The following ZDHHC6 variants were observed in gnomAD, a reference collection of about 807,000 sequenced individuals.
The protein encoded by ZDHHC6 is palmitoyltransferase ZDHHC6.
A neutral mutation model predicts 57.8 loss-of-function variants in ZDHHC6; 32 were observed. That is an observed-to-expected ratio of 0.55 (90% CI 0.42 to 0.74). ZDHHC6 has a LOEUF of 0.74. Among genes scored for constraint, ZDHHC6 ranks in the 30% least tolerant of loss-of-function variants. The pLI is 0.00. For missense variants in ZDHHC6, 433 were observed against 500.7 expected (o/e 0.86, Z 1.29); for synonymous variants, 128 against 158.0 (o/e 0.81, Z 1.42).
At chr10:112,447,428 A>G, upstream of ZDHHC6, 1 of 1,613,642 alleles carries the variant, frequency 6.2e-7, no homozygotes. Context: ...CACTGCAGAG[A>G]TCACCAGCAA....
At chr10:112,427,203 G>T (rs1844763339), downstream of ZDHHC6, 1 of 1,606,792 alleles carries the variant, frequency 6.2e-7, no homozygotes. Context: ...GGATGTGTGT[G>T]TGTTCATCTT....
At chr10:112,427,687 G>T, downstream of ZDHHC6, 1 of 174,644 alleles carries the variant, frequency 5.7e-6, no homozygotes, top group East Asian at 1.5e-4. Flanking sequence ...ACAAGTTCAA[G>T]GGTCAAAGGG....
chr10:112,434,404 C>T lies in ZDHHC6; in HGVS notation c.796G>A (p.Gly266Arg). ...TGTTTAAAGTTCCTCCATCTACTTC[C>T]CATATCATATGGAAAAACAAAGACT... Reference protein sequence around the residue: ...DEVFVFPYDMGSRWRNFKQVF... With the variant: ...DEVFVFPYDMRSRWRNFKQVF... Residue 266 changes from glycine (G) to arginine (R), a missense_variant, in exon 7 of 11, where the codon GGA becomes AGA. By Grantham distance (125) the Gly-to-Arg change is moderately radical. Coordinates refer to ENST00000369405, the MANE Select transcript of ZDHHC6 (RefSeq NM_022494.3). The T allele has an allele frequency of 1.2e-6, 2 of 1,613,916 alleles. No homozygotes were observed. Among genetic ancestry groups the T allele is most frequent in the Non-Finnish European group, 1.7e-6 (2 of 1,179,874 alleles).
chr10:112,447,419 A>G (rs1308412267), upstream of ZDHHC6: 2 of 1,613,680 alleles, frequency 1.2e-6, no homozygotes, highest in Non-Finnish European at 1.7e-6. Context: ...CGCGGTGCTC[A>G]CTGCAGAGAT....
intron 4 of ZDHHC6, 75 bp downstream of exon 4, chr10:112,442,117 C>A: frequency 7.1e-7 from 1 of 1,401,004 alleles, no homozygotes; most frequent in Non-Finnish European, 9.4e-7. Flanking sequence ...CCAAAAGGAA[C>A]CTCTTAAATG....
chr10:112,425,536 G>T (rs987963831), downstream of ZDHHC6: 1 of 1,382,962 alleles, frequency 7.2e-7, no homozygotes, highest in Non-Finnish European at 9.6e-7. Context: ...GCTGGTTCTT[G>T]TAGCTACAGG....
Position 112,445,303 on chromosome 10 carries a change from C to G in ZDHHC6, c.134G>C (p.Trp45Ser), listed in dbSNP as rs1846551170. The G allele has an allele frequency of 1.9e-6, 3 of 1,614,024 alleles. No individual in the cohort carries two copies. The highest frequency in any genetic ancestry group is 2.5e-6 in the Non-Finnish European group (3 of 1,180,042). ...STMAMIDSVL[W>S]YWPLHTTGGS... is the part of the protein sequence containing the mutation. ...TCCAGTTGTATGTAAGGGCCAATAC[C>G]ACAACACAGAGTCAATCATGGCCAT... The change falls in exon 2 of 11, where the codon TGG becomes TCG. Residue 45 changes from tryptophan to serine, a missense_variant. Transcript: ENST00000369405.
At position 112,444,646 on chromosome 10, in the gene ZDHHC6, G is replaced by A. The variant is rs181707384; in HGVS notation, c.267+524C>T. Among the ~76,000 whole-genome samples, 256 of 152,286 alleles carry A rather than the reference G, an allele frequency of 1.7e-3. 4 individuals carry two copies. Among genetic ancestry groups the A allele is most frequent in the Admixed American group, 0.016 (242 of 15,296 alleles). On this transcript the variant is annotated intron_variant, in intron 2 of 10. Coordinates refer to ENST00000369405, the MANE Select transcript of ZDHHC6 (RefSeq NM_022494.3). ...CCTTTCTGACAAGCCATCAGGTGTG[G>A]TCCCTTAGCAGGAAACATGGACATT...
intron 8 of ZDHHC6, among the ~76,000 whole-genome samples, chr10:112,432,867 T>A (rs1845172630): frequency 6.6e-6 from 1 of 152,204 alleles, no homozygotes; most frequent in Admixed American, 6.5e-5. Context: ...TACAATGTAG[T>A]GAATGCAAAC....
At chr10:112,429,254 TCCTATTCTC>T (rs995103994), downstream of ZDHHC6, among the ~76,000 whole-genome samples, 11 of 152,184 alleles carry the variant, frequency 7.2e-5, no homozygotes, top group African/African-American at 2.4e-4. Flanking sequence ...TCACTTCCTT[TCCTATTCTC>T]CCCTCACGCA....
intron 3 of ZDHHC6, 40 bp downstream of exon 3, chr10:112,443,475 A>G (rs1411433407): frequency 6.5e-7 from 1 of 1,536,154 alleles, no homozygotes; most frequent in Non-Finnish European, 9.0e-7. Flanking sequence ...ATCAGTAATT[A>G]GTTGATCAGT....
Position 112,446,861 on chromosome 10 carries a change from G to GGGTGGTGCCGGCTGTTCCCAGGAGGGATA in ZDHHC6, c.-372_-371insTATCCCTCCTGGGAACAGCCGGCACCACC. The stretch of plus-strand genomic sequence containing the variant: ...AACCCTGGCAGCGAGAGGCTGGAGT[G>GGGTGGTGCCGGCTGTTCCCAGGAGGGATA]CGGGACCTGCTACAAGCCGAGCACC... On this transcript the variant is annotated 5_prime_UTR_variant, in exon 1 of 11. Transcript: ENST00000369405. 1 of 186,466 alleles carries GGGTGGTGCCGGCTGTTCCCAGGAGGGATA rather than the reference G, an allele frequency of 5.4e-6. No homozygotes were observed. The highest frequency in any genetic ancestry group is 1.2e-5 in the Non-Finnish European group (1 of 86,792). 11.6% of individuals were successfully genotyped at this position (186,466 alleles called of 1,614,324 possible).
At chr10:112,433,388 C>T in intron 7 of ZDHHC6, 107 bp from the exon 8 acceptor site, 1 of 890,618 alleles carries the variant, frequency 1.1e-6, no homozygotes, top group Non-Finnish European at 1.6e-6. Flanking sequence ...CCCAATTTTC[C>T]AGCATTTCAA....
At position 112,440,695 on chromosome 10, in the gene ZDHHC6, G is replaced by C; in HGVS notation, c.520C>G (p.Leu174Val). 2 of 1,610,452 alleles carry C rather than the reference G, an allele frequency of 1.2e-6. No homozygotes were observed. Among genetic ancestry groups the C allele is most frequent in the Non-Finnish European group, 1.7e-6 (2 of 1,177,654 alleles). ...TTCACTGTGTTCCACCCAAAGGAGA[G>C]CTATCGCAGCAACAATAGCACACGC... ...MTMYTQLYHR[L>V]SFGWNTVKID... The change falls in exon 5 of 11, where the codon CTC (leucine) becomes GTC (valine). Residue 174 changes from leucine (L) to valine (V), a missense_variant and splice_region_variant. Transcript: ENST00000369405.
rs369545572 is a variant in ZDHHC6 at position 112,432,327 on chromosome 10, A to C, written c.1092-41T>G. The C allele has an allele frequency of 5.6e-6, 9 of 1,608,494 alleles. No individual in the cohort carries two copies. The Admixed American group carries it at 1.4e-4, about 24-fold the overall frequency. ...GATGAAAATTAATTTTTTAGGCTAG[A>C]TATTAATTTTGTCCTTGAAGAAGAA... On this transcript the variant is annotated intron_variant, in intron 9 of 10. Coordinates refer to ENST00000369405, the MANE Select transcript of ZDHHC6 (RefSeq NM_022494.3).
chr10:112,427,188 A>G (rs761067419), downstream of ZDHHC6: 1 of 1,591,188 alleles, frequency 6.3e-7, no homozygotes. Flanking sequence ...ATCACTAATG[A>G]GCATGGATGT....
chr10:112,439,546 C>T (rs1845873924), intron 5 of ZDHHC6, among the ~76,000 whole-genome samples: 1 of 135,622 alleles, frequency 7.4e-6, no homozygotes, highest in Non-Finnish European at 1.5e-5. Flanking sequence ...CAGAGAACTG[C>T]TTAAACCCGG....
In ZDHHC6 at chr10:112,434,367, C is replaced by A. The variant is rs758211863; in HGVS notation, c.833G>T (p.Trp278Leu). The part of the protein sequence containing the change: ...RWRNFKQVFT[W>L]SGVPEGDGLE... ...TCCATCTCCTTCAGGGACCCCTGAC[C>A]ACGTAAATACCTGTTTAAAGTTCCT... is the stretch of plus-strand genomic sequence containing the variant. Residue 278 changes from tryptophan to leucine, a missense_variant, in exon 7 of 11, where the codon TGG becomes TTG. Coordinates refer to ENST00000369405, the MANE Select transcript of ZDHHC6 (RefSeq NM_022494.3). The A allele has an allele frequency of 4.3e-6, 7 of 1,613,786 alleles. No individual in the cohort carries two copies. The African/African-American group carries it at 9.3e-5, about 22-fold the overall frequency.
intron 7 of ZDHHC6, 86 bp from the exon 8 acceptor site, chr10:112,433,367 T>TA: frequency 8.8e-7 from 1 of 1,138,026 alleles, no homozygotes; most frequent in Non-Finnish European, 1.2e-6. Context: ...GTCAGAGTGA[T>TA]ATGGCAAAAC....
Sources: gnomAD v4.1 joint callset for allele counts (sites outside exome capture counted in the v4.1 genomes callset) on GRCh38, gnomAD v4.1.1 for gene constraint, MANE v1.5 for transcripts, NCBI Gene and HGNC (gene_info 2026-07-23, HGNC 2026-07-21) for gene names.